FRMPD2: variants seen among roughly 807,000 people sequenced by gnomAD.
FRMPD2 encodes the protein FERM and PDZ domain-containing protein 2.
A neutral mutation model predicts 140.1 loss-of-function variants in FRMPD2; 96 were observed. The ratio of observed to expected loss-of-function variants is 0.69; its 90% CI spans 0.58 to 0.81. The LOEUF is 0.81. Among genes scored for constraint, FRMPD2 ranks in the 40% least tolerant of loss-of-function variants. The pLI is 0.00. For missense variants in FRMPD2, 1,240 were observed against 1,447.4 expected, an observed-to-expected ratio of 0.86 and a Z score of 2.32; for synonymous variants, 449 against 547.6, an observed-to-expected ratio of 0.82 and a Z score of 2.52.
intron 28 of FRMPD2, among the ~76,000 whole-genome samples, chr10:48,162,962 T>C (rs1837983396): frequency 6.8e-6 from 1 of 147,204 alleles, no homozygotes; most frequent in South Asian, 2.2e-4. Context: ...TAATAAAGCA[T>C]TATACTAGCA....
intron 10 of FRMPD2, among the ~76,000 whole-genome samples, chr10:48,225,600 C>T (rs1339106342): frequency 3.3e-5 from 5 of 152,212 alleles, no homozygotes; most frequent in African/African-American, 1.2e-4. Flanking sequence ...CACCTGTAGT[C>T]CTCTAGAACA....
In FRMPD2 at chr10:48,248,259, A is replaced by C. The variant is rs541049360; in HGVS notation, c.309+762T>G. On this transcript the variant is annotated intron_variant, in intron 3 of 28. Coordinates refer to ENST00000374201, the MANE Select transcript of FRMPD2 (RefSeq NM_001018071.4). The stretch of plus-strand genomic sequence containing the variant: ...CATTCTCTCCTTTGAGAGAATTAAA[A>C]TTCTCTTTGAAATTAAAAATGATGT... Among the ~76,000 whole-genome samples the C allele has an allele frequency of 5.9e-5, 9 of 152,296 alleles. No individual in the cohort carries two copies. In the South Asian group the frequency reaches 1.9e-3, roughly 32 times the overall value.
At chr10:48,213,458 T>C (rs1389212304) in intron 12 of FRMPD2, among the ~76,000 whole-genome samples, 1 of 152,254 alleles carries the variant, frequency 6.6e-6, no homozygotes, top group Non-Finnish European at 1.5e-5. Flanking sequence ...ACCATATGAT[T>C]GAGCAATTTG....
intron 12 of FRMPD2, among the ~76,000 whole-genome samples, chr10:48,219,453 G>T (rs1839530021): frequency 6.6e-6 from 1 of 152,042 alleles, no homozygotes; most frequent in African/African-American, 2.4e-5. Flanking sequence ...TGCTCCTACT[G>T]ATACACCCAG....
chr10:48,228,993 GTATT>G (rs1365829963), intron 10 of FRMPD2, among the ~76,000 whole-genome samples: 10 of 152,010 alleles, frequency 6.6e-5, no homozygotes, highest in East Asian at 1.9e-4. Context: ...TAGAAGAAAA[GTATT>G]TATTTATGTT....
chr10:48,211,406 C>T (rs978799664), intron 13 of FRMPD2, among the ~76,000 whole-genome samples: 8 of 152,320 alleles, frequency 5.3e-5, no homozygotes, highest in South Asian at 2.1e-4. Flanking sequence ...CTGGCTCAAG[C>T]GCTGATCTTG....
chr10:48,252,260 G>T (rs1840403386), intron 1 of FRMPD2, among the ~76,000 whole-genome samples: 1 of 152,150 alleles, frequency 6.6e-6, no homozygotes, highest in South Asian at 2.1e-4. Flanking sequence ...CAGCCTCACA[G>T]ATAAACTGGA....
intron 5 of FRMPD2, among the ~76,000 whole-genome samples, chr10:48,241,812 G>T (rs543589681): frequency 1.4e-4 from 21 of 152,298 alleles, no homozygotes; most frequent in Non-Finnish European, 2.8e-4. Context: ...ACCTAGAGTT[G>T]AATTTTGATA....
chr10:48,184,783 TC>T lies in FRMPD2; in HGVS notation c.2457del (p.Ile820SerfsTer8). On this transcript the variant is annotated frameshift_variant, in exon 19 of 29. Coordinates refer to ENST00000374201, the MANE Select transcript of FRMPD2 (RefSeq NM_001018071.4). LOFTEE classifies it high-confidence loss of function. ...IPGGPAEKAK[T>X]IKPGGQILAL... Reference sequence around the variant, plus strand: ...ATTTAAAAAGATGTACCTGGTTTGATCGTTTTTGCTTTTTCTGCTGGTCCTC... The same window carrying T: ...ATTTAAAAAGATGTACCTGGTTTGATGTTTTTGCTTTTTCTGCTGGTCCTC... 1 of 1,612,874 alleles carries T rather than the reference TC, an allele frequency of 6.2e-7. No individual in the cohort carries two copies. The highest frequency in any genetic ancestry group is 8.5e-7 in the Non-Finnish European group (1 of 1,179,364).
intron 2 of FRMPD2, 94 bp downstream of exon 2, chr10:48,251,472 G>T (rs1459173945): frequency 6.8e-7 from 1 of 1,480,748 alleles, no homozygotes; most frequent in Non-Finnish European, 9.2e-7. Context: ...CTCAGAGGTT[G>T]ATTTAAAAAA....
At chr10:48,204,505 G>GA (rs1839160942) in intron 14 of FRMPD2, among the ~76,000 whole-genome samples, 1 of 152,062 alleles carries the variant, frequency 6.6e-6, no homozygotes, top group Non-Finnish European at 1.5e-5. Context: ...CCTCTCTAGA[G>GA]AAAATGATAT....
At chr10:48,212,575 TG>T (rs1738208182) in intron 12 of FRMPD2, among the ~76,000 whole-genome samples, 1 of 132,132 alleles carries the variant, frequency 7.6e-6, no homozygotes, top group African/African-American at 3.6e-5. Flanking sequence ...AACTCTATGT[TG>T]TTTTTTTTTT....
chr10:48,242,425 C>A (rs1274111985), intron 4 of FRMPD2, 73 bp from the exon 5 acceptor site: 3 of 1,405,894 alleles, frequency 2.1e-6, no homozygotes, highest in Non-Finnish European at 2.9e-6. Flanking sequence ...CCTTGTCAGG[C>A]AGGCCTTGGA....
chr10:48,241,976 A>G (rs1840124222), intron 5 of FRMPD2, 185 bp downstream of exon 5: 1 of 459,638 alleles, frequency 2.2e-6, no homozygotes, highest in South Asian at 4.3e-5. Context: ...AATGTTCTAG[A>G]TCCACCCTGT....
intron 1 of FRMPD2, among the ~76,000 whole-genome samples, chr10:48,257,364 C>T (rs1443117739): frequency 2.0e-5 from 3 of 152,140 alleles, no homozygotes; most frequent in Non-Finnish European, 4.4e-5. Context: ...TCTGCAACCT[C>T]CACCTCCCAG....
At position 48,236,578 on chromosome 10, in the gene FRMPD2, T is replaced by C; in HGVS notation, c.922-25A>G. ...ACTGGAGGAAAACAGTCACATATGGTAGAGAAGACAACAGATTCCAGGCTT... is the reference window on the plus strand; with the variant it reads ...ACTGGAGGAAAACAGTCACATATGGCAGAGAAGACAACAGATTCCAGGCTT... On this transcript the variant is annotated intron_variant, in intron 8 of 28. Transcript: ENST00000374201. The C allele has an allele frequency of 2.5e-6, 4 of 1,609,306 alleles. No individual in the cohort carries two copies. The South Asian group carries it at 4.4e-5, about 18-fold the overall frequency.
chr10:48,222,997 A>G (rs1189435907), intron 11 of FRMPD2, 126 bp downstream of exon 11: 3 of 885,062 alleles, frequency 3.4e-6, no homozygotes, highest in Middle Eastern at 2.3e-4. Context: ...AAAACCAACC[A>G]CAATAGCTAT....
intron 16 of FRMPD2, among the ~76,000 whole-genome samples, chr10:48,189,936 G>C (rs1266728046): frequency 6.6e-6 from 1 of 152,140 alleles, no homozygotes; most frequent in Non-Finnish European, 1.5e-5. Context: ...ACCCAGTGGG[G>C]AGGGATGACT....
In FRMPD2 at chr10:48,164,426, G is replaced by A. The variant is rs568271678; in HGVS notation, c.3538-755C>T. Among the ~76,000 whole-genome samples the A allele has an allele frequency of 6.5e-4, 98 of 150,502 alleles. 2 individuals carry two copies. Among genetic ancestry groups the A allele is most frequent in the African/African-American group, 2.3e-3 (92 of 40,406 alleles). ...CATGTGTTCATTTTTATATCTGTAGGAATCATGATTTTACCTTTTCCTGAA... is the reference window on the plus strand; with the variant it reads ...CATGTGTTCATTTTTATATCTGTAGAAATCATGATTTTACCTTTTCCTGAA... On this transcript the variant is annotated intron_variant, in intron 27 of 28. Coordinates refer to ENST00000374201, the MANE Select transcript of FRMPD2 (RefSeq NM_001018071.4).
Sources: allele counts gnomAD v4.1 joint callset (sites outside exome capture counted in the v4.1 genomes callset), GRCh38; gene constraint gnomAD v4.1.1; transcripts MANE v1.5; gene names NCBI Gene and HGNC (gene_info 2026-07-23, HGNC 2026-07-21).